Variants in WSCD2 observed in about 807,000 individuals in gnomAD.
The protein encoded by WSCD2 is WSC domain sialate O sulfotransferase 2, also known as sialate:O-sulfotransferase 2.
A neutral mutation model predicts 55.7 loss-of-function variants in WSCD2; 28 were observed. The observed-to-expected ratio is 0.50, with a 90% CI of 0.37 to 0.69. The LOEUF (loss-of-function observed/expected upper bound fraction) is 0.69, where lower values mean the gene tolerates loss of function less well. Ranked by LOEUF, WSCD2 falls within the 30% of genes least tolerant of loss-of-function variation. The pLI is 0.00. For missense variants in WSCD2, 616 were observed against 762.1 expected (o/e 0.81, Z 2.26); for synonymous variants, 301 against 301.9 (o/e 1.00, Z 0.03).
chr12:108,174,985 G>A (rs1880637509), intron 1 of WSCD2, among the ~76,000 whole-genome samples: 1 of 152,218 alleles, frequency 6.6e-6, no homozygotes, highest in South Asian at 2.1e-4. Flanking sequence ...ACACAGAGGT[G>A]AGGAAGACAA....
chr12:108,230,937 C>T (rs553000600), intron 6 of WSCD2, among the ~76,000 whole-genome samples: 7 of 152,062 alleles, frequency 4.6e-5, no homozygotes, highest in Non-Finnish European at 8.8e-5. Flanking sequence ...GGCAATGTGG[C>T]GGTGATGGGG....
At chr12:108,173,754 T>C (rs1410481895) in intron 1 of WSCD2, among the ~76,000 whole-genome samples, 1 of 151,778 alleles carries the variant, frequency 6.6e-6, no homozygotes, top group African/African-American at 2.4e-5. Context: ...AGTCGGCCTT[T>C]ATTTGATCCA....
intron 1 of WSCD2, among the ~76,000 whole-genome samples, chr12:108,156,618 G>A (rs1013194092): frequency 4.6e-5 from 7 of 152,222 alleles, no homozygotes; most frequent in Admixed American, 2.0e-4. Context: ...GTGGACAGGT[G>A]TGGGTTGTGG....
At chr12:108,204,333 C>T (rs1304188440) in intron 2 of WSCD2, among the ~76,000 whole-genome samples, 2 of 152,132 alleles carry the variant, frequency 1.3e-5, no homozygotes, top group Non-Finnish European at 2.9e-5. Context: ...CCTTCCCTCT[C>T]TCTCCCACCC....
chr12:108,170,114 C>A (rs189487324), intron 1 of WSCD2, among the ~76,000 whole-genome samples: 3 of 152,244 alleles, frequency 2.0e-5, no homozygotes, highest in Admixed American at 6.5e-5. Flanking sequence ...TGTTCTGTAG[C>A]CAAAGAAAAT....
intron 1 of WSCD2, among the ~76,000 whole-genome samples, chr12:108,164,161 T>TTTTTTTTTTTTTTTTTA (rs1555224811): frequency 1.4e-5 from 2 of 146,086 alleles, no homozygotes; most frequent in Non-Finnish European, 3.0e-5. Flanking sequence ...TTTTTTTTTT[T>TTTTTTTTTTTTTTTTTA]TCAGAGAGGG....
At chr12:108,132,097 A>T (rs1875605740) in intron 1 of WSCD2, among the ~76,000 whole-genome samples, 2 of 151,636 alleles carry the variant, frequency 1.3e-5, no homozygotes, top group Non-Finnish European at 1.5e-5. Context: ...TGGGGGAATG[A>T]TGAAATTGTC....
chr12:108,239,574 T>G (rs557968990), intron 7 of WSCD2, among the ~76,000 whole-genome samples: 1 of 152,246 alleles, frequency 6.6e-6, no homozygotes, highest in East Asian at 1.9e-4. Flanking sequence ...AAGACCTACT[T>G]CCGCCCTCAT....
intron 1 of WSCD2, among the ~76,000 whole-genome samples, chr12:108,176,252 C>T (rs1443982687): frequency 6.6e-6 from 1 of 152,184 alleles, no homozygotes; most frequent in African/African-American, 2.4e-5. Context: ...ACCATATAAC[C>T]TCTACTGCAA....
intron 1 of WSCD2, among the ~76,000 whole-genome samples, chr12:108,170,319 A>G (rs938201995): frequency 2.0e-5 from 3 of 152,172 alleles, no homozygotes; most frequent in Admixed American, 6.5e-5. Flanking sequence ...GAAACGGGAA[A>G]ATAAGTGATA....
At chr12:108,173,419 G>T (rs4964643) in intron 1 of WSCD2, among the ~76,000 whole-genome samples, 98,150 of 152,030 alleles carry the variant, frequency 0.65, 34,385 homozygotes, top group East Asian at 0.91. Context: ...AGCAGGAGAC[G>T]TGAAGGCTCT....
chr12:108,158,174 T>C (rs1304411291), intron 1 of WSCD2, among the ~76,000 whole-genome samples: 1 of 152,196 alleles, frequency 6.6e-6, no homozygotes, highest in Non-Finnish European at 1.5e-5. Context: ...TTTATGCTAA[T>C]GCTGCAATTC....
rs539446560 is a variant in WSCD2, at chr12:108,187,826, C to T, written c.-551-7456C>T. On this transcript the variant is annotated intron_variant, in intron 1 of 8. Transcript: ENST00000547525. ...TTGCTGAAGATCACACAGCCACCAC[C>T]GCCCTGAGGCAGGTTCAGATGCAGG... Among the ~76,000 whole-genome samples the T allele has an allele frequency of 9.9e-5, 15 of 152,270 alleles. No homozygotes were observed. In the South Asian group the frequency reaches 2.5e-3, roughly 25 times the overall value.
At chr12:108,148,017 C>A (rs1489880433) in intron 1 of WSCD2, among the ~76,000 whole-genome samples, 1 of 152,206 alleles carries the variant, frequency 6.6e-6, no homozygotes. Flanking sequence ...ACTCTTATCA[C>A]CTTCAAATCC....
intron 1 of WSCD2, among the ~76,000 whole-genome samples, chr12:108,152,475 G>A (rs1407991207): frequency 2.6e-5 from 4 of 152,120 alleles, no homozygotes; most frequent in African/African-American, 4.8e-5. Context: ...ATACAGGGTC[G>A]GGCAGGTGCT....
Position 108,224,815 on chromosome 12 carries a change from G to A in WSCD2, c.759G>A (p.Met253Ile). Residue 253 changes from methionine (M) to isoleucine (I), a missense_variant, in exon 5 of 9, where the codon ATG becomes ATA. By Grantham distance (10) the Met-to-Ile change is conservative. Around this residue, in one of 3 missense-constraint regions of WSCD2, gnomAD observed 374 missense variants for 467.4 expected, o/e 0.80. Coordinates refer to ENST00000547525, the MANE Select transcript of WSCD2 (RefSeq NM_014653.4). ...TGGCCTTACCCGTGACAGCTGCCATGCTGAACATGTCTGTGGACAAATGCG... is the reference window on the plus strand; with the variant it reads ...TGGCCTTACCCGTGACAGCTGCCATACTGAACATGTCTGTGGACAAATGCG... ...LSLALPVTAA[M>I]LNMSVDKCVD... The A allele has an allele frequency of 6.2e-7, 1 of 1,613,784 alleles. No individual in the cohort carries two copies. The highest frequency in any genetic ancestry group is 8.5e-7 in the Non-Finnish European group (1 of 1,180,040).
Position 108,195,648 on chromosome 12 carries a change from TGGCCTCAGCCAA to T in WSCD2, c.-183_-172del, listed in dbSNP as rs1883815592. 1.2e-6 allele frequency: 1 copy of T among 810,802 alleles called. No homozygotes were observed. Among genetic ancestry groups the T allele is most frequent in the African/African-American group, 1.7e-5 (1 of 57,688 alleles). The allele number at this position is 810,802 out of a possible 1,614,324, so 50.2% of individuals were successfully genotyped here. A position where few individuals can be genotyped will look rare whatever the true frequency, so the allele number is the denominator to read the frequency against. On this transcript the variant is annotated 5_prime_UTR_variant, in exon 2 of 9. Coordinates refer to ENST00000547525, the MANE Select transcript of WSCD2 (RefSeq NM_014653.4). ...GGCTGGTAAGCTCCATCCTTTCTCA[TGGCCTCAGCCAA>T]GCATTGAACTTGCCCTCCCCTTCTG...
intron 6 of WSCD2, among the ~76,000 whole-genome samples, chr12:108,227,806 T>C (rs1029836911): frequency 3.9e-5 from 6 of 151,998 alleles, no homozygotes; most frequent in Admixed American, 3.3e-4. Flanking sequence ...ATTATGACGA[T>C]GGTGATGATG....
chr12:108,141,769 A>G (rs1395339884), intron 1 of WSCD2, among the ~76,000 whole-genome samples: 1 of 152,156 alleles, frequency 6.6e-6, no homozygotes, highest in Non-Finnish European at 1.5e-5. Flanking sequence ...GGGAGCTGGT[A>G]TATGATGAAA....
Sources: allele counts gnomAD v4.1 joint callset (sites outside exome capture counted in the v4.1 genomes callset), GRCh38; gene constraint gnomAD v4.1.1; regional missense constraint gnomAD v4.1.1; transcripts MANE v1.5; gene names NCBI Gene and HGNC (gene_info 2026-07-23, HGNC 2026-07-21).